The following SRGAP1 variants were observed in gnomAD, a reference collection of about 807,000 sequenced individuals.
SRGAP1 encodes SLIT-ROBO Rho GTPase-activating protein 1.
Under a neutral mutation model 121.9 loss-of-function variants are expected in SRGAP1, and 43 were observed. The ratio of observed to expected loss-of-function variants is 0.35; its 90% confidence interval spans 0.28 to 0.46. SRGAP1 has a LOEUF of 0.46. SRGAP1 is among the 20% of genes least tolerant of loss of function. The probability of loss-of-function intolerance (pLI) is 1.00; values close to 1 mark genes in which losing one functional copy is unlikely to be tolerated. For synonymous variants in SRGAP1, 447 were observed against 485.4 expected, an observed-to-expected ratio of 0.92 and a Z score of 1.04; for missense variants, 1,102 against 1,350.9, an observed-to-expected ratio of 0.82 and a Z score of 2.89.
intron 7 of SRGAP1, among the ~76,000 whole-genome samples, chr12:64,064,869 T>TA (rs2035509784): frequency 6.6e-6 from 1 of 152,216 alleles, no homozygotes; most frequent in Non-Finnish European, 1.5e-5. Flanking sequence ...GCCCCATTCT[T>TA]ACCACAGTCC....
chr12:64,056,906 C>T (rs991937641), intron 6 of SRGAP1, among the ~76,000 whole-genome samples: 7 of 152,186 alleles, frequency 4.6e-5, no homozygotes, highest in African/African-American at 1.7e-4. Context: ...ACCCTTTCCC[C>T]TAACTCTCCC....
rs1206026014 is a variant in SRGAP1, at chr12:64,156,212, T to G, written c.*13540T>G. 6.6e-6 allele frequency: 1 copy of G among 152,208 alleles called. No homozygotes were observed. The highest frequency in any genetic ancestry group is 1.5e-5 in the Non-Finnish European group (1 of 68,046). The allele number at this position is 152,208 out of a possible 1,614,324, so 9.4% of individuals were successfully genotyped here. The stretch of plus-strand genomic sequence containing the variant: ...CTTGAAATATAAATTTTTAAAGACA[T>G]TTTATTCTTTTTTGTCTTCATCAGA... On this transcript the variant is annotated 3_prime_UTR_variant, in exon 22 of 22. Coordinates refer to ENST00000355086, the MANE Select transcript of SRGAP1 (RefSeq NM_020762.4).
chr12:64,075,919 CAA>C (rs752705333), intron 8 of SRGAP1, among the ~76,000 whole-genome samples: 11 of 126,838 alleles, frequency 8.7e-5, no homozygotes, highest in South Asian at 2.7e-4. Context: ...TTATTTTGTT[CAA>C]AAAAAAAAAA....
intron 21 of SRGAP1, among the ~76,000 whole-genome samples, chr12:64,137,804 G>A (rs1394666754): frequency 1.3e-5 from 2 of 151,988 alleles, no homozygotes; most frequent in Non-Finnish European, 2.9e-5. Flanking sequence ...AGGGAAATCA[G>A]TTACCATTAA....
At chr12:64,134,585 A>AGAGCAGGCAT (rs1029369463) in intron 21 of SRGAP1, among the ~76,000 whole-genome samples, 1 of 152,150 alleles carries the variant, frequency 6.6e-6, no homozygotes, top group Non-Finnish European at 1.5e-5. Context: ...AAACCAAGGG[A>AGAGCAGGCAT]GAGCAGGCAT....
intron 1 of SRGAP1, among the ~76,000 whole-genome samples, chr12:63,946,360 A>AT (rs935485342): frequency 2.7e-5 from 4 of 150,932 alleles, no homozygotes; most frequent in Admixed American, 6.6e-5. Context: ...AAAGTGTACA[A>AT]TTTGATGAGT....
chr12:64,071,532 C>CTA (rs2035635271), intron 8 of SRGAP1, among the ~76,000 whole-genome samples: 1 of 152,196 alleles, frequency 6.6e-6, no homozygotes, highest in Non-Finnish European at 1.5e-5. Context: ...ATATAAACCT[C>CTA]TAAACAGTGA....
At chr12:64,026,086 T>A in intron 4 of SRGAP1, among the ~76,000 whole-genome samples, 1 of 148,488 alleles carries the variant, frequency 6.7e-6, no homozygotes, top group African/African-American at 2.5e-5. Context: ...CTGTCTTCTT[T>A]AAAAAAAAAA....
chr12:63,864,040 G>A (rs1899542089), intron 1 of SRGAP1, among the ~76,000 whole-genome samples: 1 of 152,146 alleles, frequency 6.6e-6, no homozygotes, highest in Non-Finnish European at 1.5e-5. Context: ...TTCCACTAAG[G>A]TTTCAGTTTA....
At chr12:63,871,798 A>T in intron 1 of SRGAP1, 1 of 1,321,628 alleles carries the variant, frequency 7.6e-7, no homozygotes, top group East Asian at 2.3e-5. Flanking sequence ...AAATGCTTGC[A>T]TCTGTTAATG....
chr12:64,083,361 G>T (rs1379285868), intron 10 of SRGAP1, among the ~76,000 whole-genome samples: 1 of 152,134 alleles, frequency 6.6e-6, no homozygotes, highest in Admixed American at 6.5e-5. Context: ...GCAGTTGCTC[G>T]TACACAGCTG....
chr12:63,986,353 T>G (rs560686441), intron 2 of SRGAP1, among the ~76,000 whole-genome samples: 1 of 152,320 alleles, frequency 6.6e-6, no homozygotes, highest in East Asian at 1.9e-4. Flanking sequence ...CAGTACTGTA[T>G]TCACATAGTA....
At chr12:63,923,857 G>A (rs2031157762) in intron 1 of SRGAP1, among the ~76,000 whole-genome samples, 1 of 152,168 alleles carries the variant, frequency 6.6e-6, no homozygotes, top group Non-Finnish European at 1.5e-5. Flanking sequence ...AAAGGTATGA[G>A]CTCAGCTGGG....
At chr12:64,139,826 T>G (rs1172041442) in intron 21 of SRGAP1, among the ~76,000 whole-genome samples, 2 of 152,228 alleles carry the variant, frequency 1.3e-5, no homozygotes, top group African/African-American at 4.8e-5. Flanking sequence ...CATGCCTATG[T>G]CCTGAATAAT....
At chr12:64,134,899 C>G (rs190238698) in intron 21 of SRGAP1, among the ~76,000 whole-genome samples, 1 of 152,250 alleles carries the variant, frequency 6.6e-6, no homozygotes, top group African/African-American at 2.4e-5. Flanking sequence ...CACTCTCAAC[C>G]TCACCTCCAG....
chr12:64,147,136 ACTG>A lies in SRGAP1; in HGVS notation c.*4468_*4470del, dbSNP rs2037065222. The A allele has an allele frequency of 4.9e-6, 1 of 202,090 alleles. No homozygotes were observed. The highest frequency in any genetic ancestry group is 2.3e-5 in the African/African-American group (1 of 43,380). 12.5% of individuals were successfully genotyped at this position (202,090 alleles called of 1,614,324 possible). A position where few individuals can be genotyped will look rare whatever the true frequency, so the allele number is the denominator to read the frequency against. ...AGTAAGTGGCTGTGTAACAGGAGAG[ACTG>A]CTGTTTACCTACGTACTGAAGGGTA... On this transcript the variant is annotated 3_prime_UTR_variant, in exon 22 of 22. Coordinates refer to ENST00000355086, the MANE Select transcript of SRGAP1 (RefSeq NM_020762.4).
Position 64,149,957 on chromosome 12 carries a change from A to C in SRGAP1, c.*7285A>C, listed in dbSNP as rs1029158787. 6.6e-6 allele frequency: 1 copy of C among 152,214 alleles called. No individual in the cohort carries two copies. Among genetic ancestry groups the C allele is most frequent in the Non-Finnish European group, 1.5e-5 (1 of 68,044 alleles). The allele number at this position is 152,214 out of a possible 1,614,324, so 9.4% of individuals were successfully genotyped here. On this transcript the variant is annotated 3_prime_UTR_variant, in exon 22 of 22. Transcript: ENST00000355086. ...AATAAGTATTTAAACTTTAGTATAA[A>C]TATTTTTGCTCACTTAATAATCACG...
In SRGAP1 at chr12:64,042,887, C is replaced by G; in HGVS notation, c.587C>G (p.Ser196Cys). ...EKQEEKQIGR[S>C]GDPVFHIRLE... is the part of the protein sequence containing the mutation. ...CAAGAGGAAAAGCAAATTGGGAGAT[C>G]TGGTGATCCAGTCTTCCATATTCGA... The change falls in exon 5 of 22, where the codon TCT (serine) becomes TGT (cysteine). Residue 196 changes from serine to cysteine, a missense_variant. Coordinates refer to ENST00000355086, the MANE Select transcript of SRGAP1 (RefSeq NM_020762.4). 6.2e-7 allele frequency: 1 copy of G among 1,613,558 alleles called. No individual in the cohort carries two copies. Among genetic ancestry groups the G allele is most frequent in the Non-Finnish European group, 8.5e-7 (1 of 1,179,592 alleles).
intron 1 of SRGAP1, among the ~76,000 whole-genome samples, chr12:63,876,559 G>A (rs1301918162): frequency 6.6e-6 from 1 of 152,152 alleles, no homozygotes; most frequent in African/African-American, 2.4e-5. Flanking sequence ...CCCTCTGATG[G>A]AGAATAACTA....
Sources: allele counts gnomAD v4.1 joint callset (sites outside exome capture counted in the v4.1 genomes callset), GRCh38; gene constraint gnomAD v4.1.1; transcripts MANE v1.5; gene names NCBI Gene and HGNC (gene_info 2026-07-23, HGNC 2026-07-21).